ADGRL4: variants seen among roughly 807,000 people sequenced by gnomAD.
ADGRL4 encodes the protein adhesion G protein-coupled receptor L4.
In ADGRL4, 90 loss-of-function variants were observed where a neutral mutation model predicts 74.8. The ratio of observed to expected loss-of-function variants is 1.20; its 90% CI spans 1.02 to 1.43. The LOEUF (loss-of-function observed/expected upper bound fraction) is 1.43, where lower values mean the gene tolerates loss of function less well. Ranked by LOEUF, ADGRL4 falls within the 40% of genes most tolerant of loss-of-function variation. ADGRL4 has a pLI of 0.00. For missense variants in ADGRL4, 881 were observed against 814.3 expected, an observed-to-expected ratio of 1.08 and a Z score of -1.00; for synonymous variants, 311 against 279.2, an observed-to-expected ratio of 1.11 and a Z score of -1.14.
intron 12 of ADGRL4, among the ~76,000 whole-genome samples, chr1:78,916,157 A>G (rs1648868470): frequency 6.6e-6 from 1 of 151,910 alleles, no homozygotes; most frequent in East Asian, 1.9e-4. Context: ...AATAATCCAA[A>G]TTAGCCTTAC....
At chr1:78,953,559 G>A (rs1036180197) in intron 2 of ADGRL4, among the ~76,000 whole-genome samples, 1 of 152,190 alleles carries the variant, frequency 6.6e-6, no homozygotes, top group African/African-American at 2.4e-5. Flanking sequence ...ACCTGCTAGA[G>A]AAACCGTTCT....
intron 2 of ADGRL4, among the ~76,000 whole-genome samples, chr1:78,990,233 TTTA>T (rs1318791649): frequency 6.6e-6 from 1 of 151,938 alleles, no homozygotes. Context: ...ACTTCAGAAT[TTTA>T]TTTTTAATTG....
intron 2 of ADGRL4, among the ~76,000 whole-genome samples, chr1:78,982,191 T>C (rs1650409349): frequency 6.6e-6 from 1 of 151,946 alleles, no homozygotes; most frequent in Non-Finnish European, 1.5e-5. Context: ...ATTTCTTGTA[T>C]TTGCAAACAC....
At chr1:78,981,485 A>T (rs6678110) in intron 2 of ADGRL4, among the ~76,000 whole-genome samples, 1 of 151,812 alleles carries the variant, frequency 6.6e-6, no homozygotes, top group East Asian at 1.9e-4. Flanking sequence ...CAATAAGAGC[A>T]TCTACCTCAT....
At chr1:78,925,224 C>T (rs1649087263) in intron 8 of ADGRL4, among the ~76,000 whole-genome samples, 1 of 152,002 alleles carries the variant, frequency 6.6e-6, no homozygotes, top group Admixed American at 6.6e-5. Flanking sequence ...AAACCTTTTC[C>T]TACCAGTTAA....
At chr1:78,918,337 A>T (rs1482382297) in intron 10 of ADGRL4, among the ~76,000 whole-genome samples, 2 of 151,846 alleles carry the variant, frequency 1.3e-5, no homozygotes, top group Non-Finnish European at 2.9e-5. Context: ...TAAATTGTGG[A>T]TTATTCTCAT....
intron 3 of ADGRL4, among the ~76,000 whole-genome samples, chr1:78,940,352 G>T (rs2100690501): frequency 6.6e-6 from 1 of 152,002 alleles, no homozygotes; most frequent in Non-Finnish European, 1.5e-5. Context: ...ATTTTACTAT[G>T]GTTCTTCATA....
intron 2 of ADGRL4, among the ~76,000 whole-genome samples, chr1:78,966,397 C>T (rs1570260069): frequency 6.6e-6 from 1 of 152,290 alleles, no homozygotes; most frequent in Middle Eastern, 3.4e-3. Context: ...GTGACCAGGA[C>T]CTGGCTCTTA....
chr1:78,894,520 A>G (rs1648353736), intron 12 of ADGRL4, among the ~76,000 whole-genome samples: 1 of 151,830 alleles, frequency 6.6e-6, no homozygotes, highest in South Asian at 2.1e-4. Context: ...ATTAACTGAA[A>G]TGACAATTAA....
rs199665630 is a variant in ADGRL4 at position 78,950,042 on chromosome 1, T to C, written c.173-3616A>G. Among the ~76,000 whole-genome samples, 11 of 151,912 alleles carry C rather than the reference T, an allele frequency of 7.2e-5. No individual in the cohort carries two copies. The East Asian group carries it at 2.1e-3, about 29-fold the overall frequency. On this transcript the variant is annotated intron_variant, in intron 2 of 14. Coordinates refer to ENST00000370742, the MANE Select transcript of ADGRL4 (RefSeq NM_022159.4). ...ATGTACCAACACCCAAATTATCAGA[T>C]TGTAGAGTGTGTCAAAAATAAAAGA... is the stretch of plus-strand genomic sequence containing the variant.
chr1:78,953,896 C>A (rs1029396983), intron 2 of ADGRL4, among the ~76,000 whole-genome samples: 2 of 152,312 alleles, frequency 1.3e-5, no homozygotes, highest in Non-Finnish European at 2.9e-5. Context: ...GGCCTGTAAT[C>A]CCTGCACGTT....
Position 79,006,628 on chromosome 1 carries a change from C to T in ADGRL4, c.22+5G>A, listed in dbSNP as rs1650968296. 6.5e-7 allele frequency: 1 copy of T among 1,533,314 alleles called. No individual in the cohort carries two copies. The highest frequency in any genetic ancestry group is 2.1e-5 in the Admixed American group (1 of 47,614). The allele number at this position is 1,533,314 out of a possible 1,614,324, so 95.0% of individuals were successfully genotyped here. A position where few individuals can be genotyped will look rare whatever the true frequency, so the allele number is the denominator to read the frequency against. The stretch of plus-strand genomic sequence containing the variant: ...CCTCGGCGACCAGGGGCGCTGAGCA[C>T]TCACCTAGGAGCGGGAGGCGTTTCA... On this transcript the variant is annotated splice_donor_5th_base_variant and intron_variant, in intron 1 of 14. Coordinates refer to ENST00000370742, the MANE Select transcript of ADGRL4 (RefSeq NM_022159.4).
intron 1 of ADGRL4, 26 bp downstream of exon 1, chr1:79,006,607 G>A (rs781169662): frequency 1.3e-6 from 2 of 1,533,462 alleles, no homozygotes; most frequent in African/African-American, 2.8e-5. Context: ...CGACGACCTC[G>A]GCGACCAGGG....
At chr1:78,916,690 C>T (rs540096042) in intron 12 of ADGRL4, among the ~76,000 whole-genome samples, 11 of 151,718 alleles carry the variant, frequency 7.3e-5, no homozygotes, top group African/African-American at 2.2e-4. Flanking sequence ...TTAGCAGTAC[C>T]CTCACAACCA....
At chr1:78,912,227 T>C (rs1335350065) in intron 12 of ADGRL4, among the ~76,000 whole-genome samples, 1 of 151,904 alleles carries the variant, frequency 6.6e-6, no homozygotes, top group Non-Finnish European at 1.5e-5. Flanking sequence ...AGCTCTATGA[T>C]TGAGATGTAA....
intron 2 of ADGRL4, among the ~76,000 whole-genome samples, chr1:78,963,580 A>G (rs966589523): frequency 4.6e-5 from 7 of 152,242 alleles, no homozygotes; most frequent in Non-Finnish European, 7.3e-5. Flanking sequence ...TATACCCTCC[A>G]GATCAAATAT....
intron 12 of ADGRL4, among the ~76,000 whole-genome samples, chr1:78,906,104 T>C (rs1458290525): frequency 2.6e-5 from 4 of 151,932 alleles, no homozygotes; most frequent in Admixed American, 6.6e-5. Flanking sequence ...GATTCATGGG[T>C]TTTATGATAT....
intron 13 of ADGRL4, among the ~76,000 whole-genome samples, chr1:78,892,371 G>C (rs1648298418): frequency 6.6e-6 from 1 of 152,028 alleles, no homozygotes; most frequent in Non-Finnish European, 1.5e-5. Context: ...ATTCTACCCT[G>C]CTCACTAAGG....
intron 10 of ADGRL4, among the ~76,000 whole-genome samples, 158 bp from the exon 11 acceptor site, chr1:78,918,208 C>T (rs1310760288): frequency 6.6e-6 from 1 of 151,778 alleles, no homozygotes; most frequent in Admixed American, 6.6e-5. Context: ...CATGTCAGTT[C>T]TTAAAGATTT....
Sources: gnomAD v4.1 joint callset for allele counts (sites outside exome capture counted in the v4.1 genomes callset) on GRCh38, gnomAD v4.1.1 for gene constraint, MANE v1.5 for transcripts, NCBI Gene and HGNC (gene_info 2026-07-23, HGNC 2026-07-21) for gene names.